Variants in CFAP20DC observed in about 807,000 individuals in gnomAD.
CFAP20DC encodes the protein protein CFAP20DC.
CFAP20DC carries 84 observed loss-of-function variants against 101.7 expected under a neutral mutation model. That is an observed-to-expected ratio of 0.83 (90% CI 0.69 to 0.99). CFAP20DC has a LOEUF of 0.99. Among genes scored for constraint, CFAP20DC ranks in the 50% least tolerant of loss-of-function variants. CFAP20DC has a pLI of 0.00. For synonymous variants in CFAP20DC, 359 were observed against 351.2 expected (o/e 1.02, Z -0.25); for missense variants, 1,007 against 970.3 (o/e 1.04, Z -0.50).
intron 6 of CFAP20DC, among the ~76,000 whole-genome samples, chr3:58,908,406 A>G (rs1471714293): frequency 6.6e-6 from 1 of 152,114 alleles, no homozygotes; most frequent in Non-Finnish European, 1.5e-5. Flanking sequence ...TTTTGGATAA[A>G]TTCTTATTCA....
intron 4 of CFAP20DC, among the ~76,000 whole-genome samples, chr3:59,000,183 T>C (rs751577457): frequency 1.3e-5 from 2 of 152,224 alleles, no homozygotes; most frequent in Non-Finnish European, 2.9e-5. Context: ...CCATGGCATA[T>C]GTATATTCTC....
At chr3:58,968,695 A>T (rs1022438633) in intron 4 of CFAP20DC, among the ~76,000 whole-genome samples, 1 of 152,156 alleles carries the variant, frequency 6.6e-6, no homozygotes, top group Non-Finnish European at 1.5e-5. Flanking sequence ...TTCACTGTGC[A>T]GAAGCTCTTA....
At chr3:58,980,060 C>T (rs1405427915) in intron 4 of CFAP20DC, among the ~76,000 whole-genome samples, 3 of 152,114 alleles carry the variant, frequency 2.0e-5, no homozygotes, top group Admixed American at 6.6e-5. Flanking sequence ...AAGTTATCCA[C>T]CCTACCACTG....
intron 15 of CFAP20DC, among the ~76,000 whole-genome samples, chr3:58,780,384 G>C (rs1048097961): frequency 1.3e-5 from 2 of 151,964 alleles, no homozygotes; most frequent in Admixed American, 1.3e-4. Flanking sequence ...AGGAACAAAG[G>C]ATATGTAAAA....
At position 58,859,041 on chromosome 3, in the gene CFAP20DC, G is replaced by T. The variant is rs1350992900; in HGVS notation, c.1593+4517C>A. On this transcript the variant is annotated intron_variant, in intron 12 of 16. Transcript: ENST00000482387. This position sits in a 1 kb window ranked among gnomAD's most constrained non-coding sequence, Gnocchi z 4.1. ...GTACTTGTGCTTCTACTTGAATTTT[G>T]TAGCAAATGATGAAAGTAATACAAT... 6.6e-6 allele frequency among the ~76,000 whole-genome samples: 1 copy of T among 151,998 alleles called. No homozygotes were observed. The highest frequency in any genetic ancestry group is 1.5e-5 in the Non-Finnish European group (1 of 68,000).
At chr3:58,933,225 T>A (rs1384606311) in intron 5 of CFAP20DC, among the ~76,000 whole-genome samples, 1 of 151,878 alleles carries the variant, frequency 6.6e-6, no homozygotes, top group East Asian at 1.9e-4. Context: ...CAGCTAACTA[T>A]CCTAAATATA....
At chr3:58,834,479 T>C (rs2076605401) in intron 13 of CFAP20DC, among the ~76,000 whole-genome samples, 1 of 152,226 alleles carries the variant, frequency 6.6e-6, no homozygotes, top group Non-Finnish European at 1.5e-5. Context: ...GAGTCATTCA[T>C]TCAATTTACT....
chr3:58,872,758 T>C (rs2080341881), intron 7 of CFAP20DC, among the ~76,000 whole-genome samples: 2 of 152,066 alleles, frequency 1.3e-5, no homozygotes, highest in Non-Finnish European at 2.9e-5. Flanking sequence ...TCTCTAAATA[T>C]GTCTGGCTGT....
intron 4 of CFAP20DC, among the ~76,000 whole-genome samples, chr3:58,981,597 G>A (rs902779923): frequency 5.9e-5 from 9 of 152,212 alleles, no homozygotes; most frequent in Non-Finnish European, 1.2e-4. Context: ...AGAAAAACAA[G>A]CAATGGGGAA....
At chr3:58,817,031 C>T (rs1249806343) in intron 14 of CFAP20DC, among the ~76,000 whole-genome samples, 1 of 152,178 alleles carries the variant, frequency 6.6e-6, no homozygotes, top group Non-Finnish European at 1.5e-5. Flanking sequence ...CAGCAGCACA[C>T]TGACACCTCA....
intron 13 of CFAP20DC, among the ~76,000 whole-genome samples, chr3:58,841,344 G>A (rs908426223): frequency 6.6e-6 from 1 of 152,138 alleles, no homozygotes; most frequent in South Asian, 2.1e-4. Flanking sequence ...AGAGAGAGAT[G>A]GCTTGAACAA....
intron 15 of CFAP20DC, among the ~76,000 whole-genome samples, chr3:58,787,735 C>T (rs866521293): frequency 3.3e-5 from 5 of 152,210 alleles, no homozygotes; most frequent in South Asian, 2.1e-4. Context: ...TTGGAACCAA[C>T]TCAAATGCCC....
Position 59,021,552 on chromosome 3 carries a change from C to A in CFAP20DC, c.278+18005G>T, listed in dbSNP as rs576053569. ...CAGCTTACAACCTCTAAAATTGAAA[C>A]CAGCTTTAGAGCACTTAGCTTAAAG... On this transcript the variant is annotated intron_variant, in intron 4 of 16. Coordinates refer to ENST00000482387, the MANE Select transcript of CFAP20DC (RefSeq NM_001394063.1). 2.0e-5 allele frequency among the ~76,000 whole-genome samples: 3 copies of A among 152,214 alleles called. No homozygotes were observed. In the South Asian group the frequency reaches 6.2e-4, roughly 32 times the overall value.
At chr3:58,965,426 A>G (rs1470761223) in intron 4 of CFAP20DC, among the ~76,000 whole-genome samples, 1 of 152,214 alleles carries the variant, frequency 6.6e-6, no homozygotes, top group Non-Finnish European at 1.5e-5. Flanking sequence ...TGGCATTTAA[A>G]CAGTATTATA....
chr3:58,951,301 T>G (rs181679379), intron 4 of CFAP20DC, among the ~76,000 whole-genome samples: 15,201 of 152,224 alleles, frequency 0.1, 2,477 homozygotes, highest in African/African-American at 0.34. Context: ...ACTTTTACAC[T>G]GTTGGTGGGA....
intron 4 of CFAP20DC, among the ~76,000 whole-genome samples, chr3:58,950,235 A>G (rs1185841614): frequency 6.6e-6 from 1 of 152,224 alleles, no homozygotes; most frequent in African/African-American, 2.4e-5. Flanking sequence ...GGAGAACTAC[A>G]AACCACTGCT....
intron 4 of CFAP20DC, among the ~76,000 whole-genome samples, chr3:58,961,464 G>T (rs2091130457): frequency 6.6e-6 from 1 of 152,138 alleles, no homozygotes; most frequent in African/African-American, 2.4e-5. Context: ...TGAGGCAGGT[G>T]AATTGCTTGA....
intron 14 of CFAP20DC, among the ~76,000 whole-genome samples, chr3:58,827,800 A>G (rs1226904871): frequency 6.6e-6 from 1 of 152,192 alleles, no homozygotes; most frequent in Non-Finnish European, 1.5e-5. Context: ...AGCTTGGATA[A>G]GGCTTTATCT....
intron 15 of CFAP20DC, among the ~76,000 whole-genome samples, chr3:58,804,464 G>A (rs1380526264): frequency 6.6e-6 from 1 of 151,484 alleles, no homozygotes; most frequent in Non-Finnish European, 1.5e-5. Context: ...CTGGGTTCAA[G>A]AGATTCTTGT....
Sources: gnomAD v4.1 joint callset for allele counts (sites outside exome capture counted in the v4.1 genomes callset) on GRCh38, gnomAD v4.1.1 for gene constraint, Gnocchi (gnomAD v3.1) non-coding constraint, MANE v1.5 for transcripts, NCBI Gene and HGNC (gene_info 2026-07-23, HGNC 2026-07-21) for gene names.